PALS1: variants seen among roughly 807,000 people sequenced by gnomAD.
PALS1 encodes protein associated with LIN7 1, MAGUK p55 family member, also known as protein PALS1.
A neutral mutation model predicts 78.9 loss-of-function variants in PALS1; 31 were observed. The observed-to-expected ratio is 0.39, with a 90% confidence interval of 0.30 to 0.53. The LOEUF (loss-of-function observed/expected upper bound fraction) is 0.53, where lower values mean the gene tolerates loss of function less well. PALS1 is among the 20% of genes least tolerant of loss of function. The pLI is 0.67. For missense variants in PALS1, 704 were observed against 826.5 expected, an observed-to-expected ratio of 0.85 and a Z score of 1.82; for synonymous variants, 276 against 270.9, an observed-to-expected ratio of 1.02 and a Z score of -0.18.
intron 14 of PALS1, among the ~76,000 whole-genome samples, chr14:67,327,941 G>A (rs1221886273): frequency 2.0e-5 from 3 of 152,140 alleles, no homozygotes; most frequent in African/African-American, 7.2e-5. Context: ...TGCAGTCAAT[G>A]TACGTGTGCA....
At chr14:67,255,385 G>T (rs1039790955) in intron 1 of PALS1, among the ~76,000 whole-genome samples, 4 of 152,134 alleles carry the variant, frequency 2.6e-5, no homozygotes, top group Non-Finnish European at 4.4e-5. Context: ...TGACATATTT[G>T]AAAGTGTTAG....
At chr14:67,244,834 T>A (rs148446184) in intron 1 of PALS1, among the ~76,000 whole-genome samples, 1 of 152,352 alleles carries the variant, frequency 6.6e-6, no homozygotes. Context: ...TATGTTTGCT[T>A]AAGTGGCAAA....
At chr14:67,330,688 C>A (rs1364001124) in intron 14 of PALS1, among the ~76,000 whole-genome samples, 1 of 152,162 alleles carries the variant, frequency 6.6e-6, no homozygotes, top group African/African-American at 2.4e-5. Context: ...AAACTCCCGA[C>A]CTCAGGTGAT....
intron 2 of PALS1, among the ~76,000 whole-genome samples, chr14:67,275,744 T>C (rs562885091): frequency 2.0e-5 from 3 of 152,154 alleles, no homozygotes; most frequent in Non-Finnish European, 4.4e-5. Context: ...GCGAATCCAT[T>C]TGGTCCTGGA....
At chr14:67,332,071 G>A (rs898575434) in intron 14 of PALS1, among the ~76,000 whole-genome samples, 1 of 152,184 alleles carries the variant, frequency 6.6e-6, no homozygotes, top group Non-Finnish European at 1.5e-5. Flanking sequence ...GTATTGATGT[G>A]TGACTTTTAT....
At chr14:67,322,407 G>A (rs182502075) in intron 13 of PALS1, among the ~76,000 whole-genome samples, 55 of 152,258 alleles carry the variant, frequency 3.6e-4, no homozygotes, top group Admixed American at 7.9e-4. Flanking sequence ...AACTCCAAAT[G>A]TTACGGAAAA....
chr14:67,270,847 G>A (rs763123079), intron 2 of PALS1: 7 of 143,918 alleles, frequency 4.9e-5, no homozygotes, highest in Non-Finnish European at 8.8e-5. Flanking sequence ...AAATGGTGAA[G>A]TAATTATTTA....
Position 67,279,440 on chromosome 14 carries a change from A to G in PALS1, c.270A>G (p.Leu90=). The change falls in exon 3 of 15, where the codon CTA becomes CTG. Residue 90 remains leucine, a synonymous_variant. Coordinates refer to ENST00000261681, the MANE Select transcript of PALS1 (RefSeq NM_022474.4). ...DLNSSMRLKK[L]AQIPPKTGID... ...ATTCTTCCATGAGACTTAAGAAACT[A>G]GCCCAAATTCCTCCAAAGACCGGAA... is the stretch of plus-strand genomic sequence containing the variant. The G allele has an allele frequency of 6.2e-7, 1 of 1,613,720 alleles. No individual in the cohort carries two copies. Among genetic ancestry groups the G allele is most frequent in the Non-Finnish European group, 8.5e-7 (1 of 1,179,866 alleles).
At chr14:67,315,661 C>T (rs1283377390) in intron 9 of PALS1, among the ~76,000 whole-genome samples, 1 of 152,224 alleles carries the variant, frequency 6.6e-6, no homozygotes, top group Non-Finnish European at 1.5e-5. Context: ...CACAGTGGCT[C>T]ATGCCCCTAA....
chr14:67,318,761 C>G (rs1173045262), intron 11 of PALS1, among the ~76,000 whole-genome samples: 1 of 152,002 alleles, frequency 6.6e-6, no homozygotes, highest in African/African-American at 2.4e-5. Context: ...GTAATAGATT[C>G]AAGTTTAGAT....
At chr14:67,301,335 G>A in intron 4 of PALS1, 54 bp from the exon 5 acceptor site, 1 of 1,152,400 alleles carries the variant, frequency 8.7e-7, no homozygotes, top group Non-Finnish European at 1.3e-6. Context: ...GCATACAGGT[G>A]CTACTGATAC....
chr14:67,271,723 A>C (rs1361042918), intron 2 of PALS1: 2 of 152,232 alleles, frequency 1.3e-5, no homozygotes, highest in Non-Finnish European at 1.5e-5. Flanking sequence ...ATTAAAGGGA[A>C]ATATGAGTTT....
chr14:67,282,532 C>A (rs566427665), intron 3 of PALS1, among the ~76,000 whole-genome samples: 1 of 151,982 alleles, frequency 6.6e-6, no homozygotes, highest in African/African-American at 2.4e-5. Flanking sequence ...GTAAATTTGA[C>A]AATGTATGAT....
At chr14:67,275,315 A>G (rs936931669) in intron 2 of PALS1, among the ~76,000 whole-genome samples, 23 of 152,172 alleles carry the variant, frequency 1.5e-4, no homozygotes, top group Non-Finnish European at 2.9e-4. Flanking sequence ...GTTTATTGAG[A>G]GTTTTTAGCA....
In PALS1 at chr14:67,302,539, G is replaced by A; in HGVS notation, c.931G>A (p.Gly311Arg). 1.3e-6 allele frequency: 2 copies of A among 1,576,072 alleles called. No individual in the cohort carries two copies. The highest frequency in any genetic ancestry group is 8.6e-7 in the Non-Finnish European group (1 of 1,162,496). Residue 311 changes from glycine to arginine, a missense_variant, in exon 7 of 15, where the codon GGG becomes AGG. Gly to Arg is a moderately radical substitution (Grantham distance 125). Transcript: ENST00000261681. ...AGAGATTAATGGCATTGAAATTCGGGGGAAAGATGTCAATGAGGTTTTTGA... is the reference window on the plus strand; with the variant it reads ...AGAGATTAATGGCATTGAAATTCGGAGGAAAGATGTCAATGAGGTTTTTGA... The part of the protein sequence containing the change: ...VLEINGIEIR[G>R]KDVNEVFDLL...
In PALS1 at chr14:67,279,132, T is replaced by G; in HGVS notation, c.-39T>G. On this transcript the variant is annotated 5_prime_UTR_variant, in exon 3 of 15. Transcript: ENST00000261681. ...CAAGAGAATTGGCTTATAGGAAAAATTGATTTATAAAAAGTGGTACAGGTT... is the reference window on the plus strand; with the variant it reads ...CAAGAGAATTGGCTTATAGGAAAAAGTGATTTATAAAAAGTGGTACAGGTT... 6.7e-7 allele frequency: 1 copy of G among 1,484,804 alleles called. No homozygotes were observed. The highest frequency in any genetic ancestry group is 8.9e-7 in the Non-Finnish European group (1 of 1,119,562). 92.0% of individuals were successfully genotyped at this position (1,484,804 alleles called of 1,614,324 possible). A position where few individuals can be genotyped will look rare whatever the true frequency, so the allele number is the denominator to read the frequency against.
chr14:67,292,542 T>C lies in PALS1; in HGVS notation c.399T>C (p.His133=). 1 of 1,613,152 alleles carries C rather than the reference T, an allele frequency of 6.2e-7. No homozygotes were observed. Among genetic ancestry groups the C allele is most frequent in the Non-Finnish European group, 8.5e-7 (1 of 1,179,212 alleles). ...EIEDLFSSLK[H]IQHTLVDSQS... ...AAGACTTGTTTTCTTCACTTAAACA[T>C]ATCCAACATACTTTGGTAGATTCTC... The change falls in exon 4 of 15, where the codon CAT becomes CAC. Residue 133 remains histidine, a synonymous_variant. Coordinates refer to ENST00000261681, the MANE Select transcript of PALS1 (RefSeq NM_022474.4).
At chr14:67,251,761 G>A (rs903221379) in intron 1 of PALS1, among the ~76,000 whole-genome samples, 1 of 152,158 alleles carries the variant, frequency 6.6e-6, no homozygotes, top group Non-Finnish European at 1.5e-5. Context: ...TCTTTTGTTT[G>A]AATGAGGGTG....
intron 11 of PALS1, among the ~76,000 whole-genome samples, chr14:67,317,723 T>G (rs1462115158): frequency 2.0e-5 from 3 of 152,224 alleles, no homozygotes; most frequent in Non-Finnish European, 4.4e-5. Context: ...CTACTTAAAC[T>G]CTTTGCAAAA....
Sources: allele counts gnomAD v4.1 joint callset (sites outside exome capture counted in the v4.1 genomes callset), GRCh38; gene constraint gnomAD v4.1.1; transcripts MANE v1.5; gene names NCBI Gene and HGNC (gene_info 2026-07-23, HGNC 2026-07-21).